Variants in UST observed in about 807,000 individuals in gnomAD.
UST encodes uronyl 2-sulfotransferase, also known as chondroitin sulfate 2-O-sulfotransferase.
In UST, 21 loss-of-function variants were observed where a neutral mutation model predicts 45.6. That is an observed-to-expected ratio of 0.46 (90% CI 0.33 to 0.66). The LOEUF (loss-of-function observed/expected upper bound fraction) is 0.66. Ranked by LOEUF, UST falls within the 30% of genes least tolerant of loss-of-function variation. UST has a pLI of 0.02. For synonymous variants in UST, 215 were observed against 200.6 expected (o/e 1.07, Z -0.61); for missense variants, 463 against 512.4 (o/e 0.90, Z 0.93).
intron 1 of UST, among the ~76,000 whole-genome samples, chr6:148,771,148 ATATCT>A (rs1388561697): frequency 8.5e-6 from 1 of 117,332 alleles, no homozygotes; most frequent in Non-Finnish European, 1.9e-5. Context: ...AGGATATAAC[ATATCT>A]TAATTTATGT....
chr6:148,830,792 A>G (rs1777669837), intron 1 of UST, among the ~76,000 whole-genome samples: 1 of 152,020 alleles, frequency 6.6e-6, no homozygotes, highest in South Asian at 2.1e-4. Flanking sequence ...GGTGGTTGCC[A>G]GAGACAGGGG....
At chr6:148,882,711 C>T (rs1320091640) in intron 1 of UST, among the ~76,000 whole-genome samples, 5 of 152,044 alleles carry the variant, frequency 3.3e-5, no homozygotes, top group Admixed American at 1.3e-4. Context: ...GTTTGAATTC[C>T]GCTGTTTGTT....
intron 1 of UST, among the ~76,000 whole-genome samples, chr6:148,775,879 G>A (rs1452887649): frequency 2.6e-5 from 4 of 152,076 alleles, no homozygotes; most frequent in African/African-American, 7.2e-5. Context: ...AAATCTGCCC[G>A]CCTCAGCCTC....
At chr6:148,863,117 G>A (rs977880496) in intron 1 of UST, among the ~76,000 whole-genome samples, 2 of 152,076 alleles carry the variant, frequency 1.3e-5, no homozygotes, top group Admixed American at 6.6e-5. Context: ...CATTCTCCCC[G>A]TCACTTTCAG....
intron 7 of UST, among the ~76,000 whole-genome samples, chr6:149,033,282 C>A (rs1295312706): frequency 6.6e-6 from 1 of 152,182 alleles, no homozygotes; most frequent in Non-Finnish European, 1.5e-5. Context: ...ATAAAATGTA[C>A]CCCCTGCCGG....
chr6:148,925,015 A>T (rs1291391109), intron 2 of UST, among the ~76,000 whole-genome samples: 1 of 152,192 alleles, frequency 6.6e-6, no homozygotes, highest in African/African-American at 2.4e-5. Context: ...CCTCATGCAG[A>T]AACTGATGCA....
At chr6:148,780,524 C>T (rs1415094460) in intron 1 of UST, among the ~76,000 whole-genome samples, 4 of 152,108 alleles carry the variant, frequency 2.6e-5, no homozygotes, top group East Asian at 1.9e-4. Flanking sequence ...CACTTATAAG[C>T]GAGAACATGT....
chr6:148,864,469 C>G (rs962423242), intron 1 of UST, among the ~76,000 whole-genome samples: 1 of 152,236 alleles, frequency 6.6e-6, no homozygotes, highest in African/African-American at 2.4e-5. Flanking sequence ...GGCGATGCCC[C>G]GCCCTGCTTC....
intron 2 of UST, among the ~76,000 whole-genome samples, chr6:148,892,278 T>G (rs1269210061): frequency 6.6e-6 from 1 of 152,238 alleles, no homozygotes; most frequent in East Asian, 1.9e-4. Flanking sequence ...CTGTTGTTTG[T>G]GAAATCTCAT....
intron 5 of UST, among the ~76,000 whole-genome samples, chr6:148,995,240 C>A (rs1435531619): frequency 5.3e-5 from 8 of 152,184 alleles, no homozygotes; most frequent in African/African-American, 1.4e-4. Context: ...CCAGGCTGGT[C>A]TCGAACTCCT....
At chr6:148,807,852 G>A (rs1336923086) in intron 1 of UST, among the ~76,000 whole-genome samples, 1 of 152,138 alleles carries the variant, frequency 6.6e-6, no homozygotes, top group East Asian at 1.9e-4. Context: ...GATATCTATC[G>A]ATGCCGTGGT....
intron 1 of UST, among the ~76,000 whole-genome samples, chr6:148,819,768 C>G (rs1358799623): frequency 6.6e-6 from 1 of 152,062 alleles, no homozygotes; most frequent in Admixed American, 6.6e-5. Flanking sequence ...TTTCATTGTA[C>G]CAAACATAAT....
chr6:148,895,341 A>G (rs1779106461), intron 2 of UST, among the ~76,000 whole-genome samples: 1 of 152,192 alleles, frequency 6.6e-6, no homozygotes, highest in Non-Finnish European at 1.5e-5. Context: ...TCTGAAAAGG[A>G]TCTCAGTGAC....
At chr6:148,843,313 A>T (rs1777922196) in intron 1 of UST, among the ~76,000 whole-genome samples, 1 of 152,176 alleles carries the variant, frequency 6.6e-6, no homozygotes, top group Non-Finnish European at 1.5e-5. Context: ...CTTACTGTGG[A>T]ATTGTTTTGT....
At chr6:148,933,995 G>C (rs534941699) in intron 2 of UST, among the ~76,000 whole-genome samples, 2 of 152,260 alleles carry the variant, frequency 1.3e-5, no homozygotes, top group Admixed American at 6.5e-5. Context: ...CACAAACAAG[G>C]AAACACGGTA....
chr6:148,897,599 T>G (rs1387280659), intron 2 of UST, among the ~76,000 whole-genome samples: 1 of 151,408 alleles, frequency 6.6e-6, no homozygotes, highest in Non-Finnish European at 1.5e-5. Context: ...TCAAGTTATC[T>G]TCCTGCCTCA....
intron 1 of UST, among the ~76,000 whole-genome samples, chr6:148,866,993 C>A (rs529659552): frequency 2.0e-5 from 3 of 152,160 alleles, no homozygotes; most frequent in Non-Finnish European, 4.4e-5. Context: ...TGCTCTATGG[C>A]TTCTCTAGTA....
intron 2 of UST, among the ~76,000 whole-genome samples, chr6:148,919,752 A>G (rs1271874818): frequency 6.6e-6 from 1 of 152,196 alleles, no homozygotes; most frequent in East Asian, 1.9e-4. Flanking sequence ...CATTATTTCT[A>G]AAACATATTT....
chr6:148,804,394 G>C (rs924357795), intron 1 of UST, among the ~76,000 whole-genome samples: 1 of 152,156 alleles, frequency 6.6e-6, no homozygotes, highest in Non-Finnish European at 1.5e-5. Context: ...TGTGTGTGAG[G>C]GGGGGTCATG....
Sources: gnomAD v4.1 joint callset for allele counts (sites outside exome capture counted in the v4.1 genomes callset) on GRCh38, gnomAD v4.1.1 for gene constraint, MANE v1.5 for transcripts, NCBI Gene and HGNC (gene_info 2026-07-23, HGNC 2026-07-21) for gene names.